The following MACROD2 variants were observed in gnomAD, a reference collection of about 807,000 sequenced individuals.
The protein encoded by MACROD2 is mono-ADP ribosylhydrolase 2.
In MACROD2, 36 loss-of-function variants were observed where a neutral mutation model predicts 70.4. The observed-to-expected ratio is 0.51, with a 90% CI of 0.39 to 0.68. MACROD2 has a LOEUF of 0.68. Ranked by LOEUF, MACROD2 falls within the 30% of genes least tolerant of loss-of-function variation. The pLI is 0.00. For synonymous variants in MACROD2, 172 were observed against 178.8 expected, an observed-to-expected ratio of 0.96 and a Z score of 0.30; for missense variants, 496 against 538.4, an observed-to-expected ratio of 0.92 and a Z score of 0.78.
chr20:15,091,022 C>G (rs1462639223), intron 5 of MACROD2, among the ~76,000 whole-genome samples: 1 of 151,836 alleles, frequency 6.6e-6, no homozygotes, highest in African/African-American at 2.4e-5. Flanking sequence ...CCCTCCCCAC[C>G]CACCTCCCCA....
chr20:15,256,712 CAA>C (rs2077202720), intron 6 of MACROD2, among the ~76,000 whole-genome samples: 1 of 151,918 alleles, frequency 6.6e-6, no homozygotes, highest in Admixed American at 6.6e-5. Context: ...ACTAATCAAA[CAA>C]AGTTTCTGAA....
At chr20:15,922,822 A>G (rs1333971196) in intron 10 of MACROD2, among the ~76,000 whole-genome samples, 2 of 152,234 alleles carry the variant, frequency 1.3e-5, no homozygotes, top group Non-Finnish European at 2.9e-5. Flanking sequence ...CTGTGTCTGC[A>G]GCACCTGGTG....
In MACROD2 at chr20:15,933,276, A is replaced by T. The variant is rs756094652; in HGVS notation, c.776A>T (p.Asp259Val). Residue 259 changes from aspartate (D) to valine (V), a missense_variant and splice_region_variant, in exon 11 of 18, where the codon GAT becomes GTT. Coordinates refer to ENST00000684519, the MANE Select transcript of MACROD2 (RefSeq NM_001351661.2). The part of the protein sequence containing the change: ...EEDVEMKEDS[D>V]ENGPEEKQSV... ...TTTTCCTCTGTGGTTTTCTTGAAAG[A>T]TGAGAACGGTCCAGAGGAGAAGCAA... 1.2e-6 allele frequency: 2 copies of T among 1,613,054 alleles called. No individual in the cohort carries two copies. The highest frequency in any genetic ancestry group is 1.7e-6 in the Non-Finnish European group (2 of 1,179,430).
chr20:14,747,794 T>C (rs2071818948), intron 5 of MACROD2, among the ~76,000 whole-genome samples: 2 of 151,484 alleles, frequency 1.3e-5, no homozygotes, highest in Admixed American at 6.6e-5. Context: ...GTTGTTATAA[T>C]GGGAAAAGTT....
chr20:15,143,404 G>T (rs551696131), intron 5 of MACROD2, among the ~76,000 whole-genome samples: 3 of 152,158 alleles, frequency 2.0e-5, no homozygotes, highest in Non-Finnish European at 4.4e-5. Context: ...TGTAGATTCT[G>T]GATATTAGCC....
chr20:14,155,159 C>CAT (rs1007582482), intron 3 of MACROD2, among the ~76,000 whole-genome samples: 1 of 151,980 alleles, frequency 6.6e-6, no homozygotes, highest in African/African-American at 2.4e-5. Flanking sequence ...TATATACACA[C>CAT]ATATATATAA....
At chr20:14,690,674 T>G (rs1261484511) in intron 5 of MACROD2, among the ~76,000 whole-genome samples, 1 of 152,224 alleles carries the variant, frequency 6.6e-6, no homozygotes, top group Non-Finnish European at 1.5e-5. Flanking sequence ...CAAGGATCCC[T>G]GAGCTGGGAA....
chr20:14,624,108 G>A (rs927672770), intron 4 of MACROD2, among the ~76,000 whole-genome samples: 2 of 152,204 alleles, frequency 1.3e-5, no homozygotes, highest in African/African-American at 2.4e-5. Context: ...TCTGCAGTAA[G>A]TGGCAAGTCT....
intron 5 of MACROD2, among the ~76,000 whole-genome samples, chr20:14,776,835 C>T (rs1481532255): frequency 6.6e-6 from 1 of 152,008 alleles, no homozygotes; most frequent in Non-Finnish European, 1.5e-5. Context: ...TCACTATCCT[C>T]CCGCAATGAA....
At chr20:15,807,989 G>A (rs569235332) in intron 8 of MACROD2, among the ~76,000 whole-genome samples, 2 of 152,216 alleles carry the variant, frequency 1.3e-5, no homozygotes, top group African/African-American at 4.8e-5. Flanking sequence ...GCATAAAAAA[G>A]CACTGTGAGG....
At chr20:15,293,885 A>G (rs1009005223) in intron 6 of MACROD2, among the ~76,000 whole-genome samples, 2 of 152,166 alleles carry the variant, frequency 1.3e-5, no homozygotes, top group Non-Finnish European at 2.9e-5. Context: ...TGGGAGGCCG[A>G]GGCAGATGGA....
At chr20:15,316,992 C>G (rs1335273210) in intron 6 of MACROD2, among the ~76,000 whole-genome samples, 2 of 151,904 alleles carry the variant, frequency 1.3e-5, no homozygotes. Context: ...TGGTAAATTG[C>G]AAAATTCCTA....
intron 4 of MACROD2, among the ~76,000 whole-genome samples, chr20:14,560,677 C>T (rs1391516689): frequency 6.6e-6 from 1 of 151,776 alleles, no homozygotes; most frequent in Non-Finnish European, 1.5e-5. Flanking sequence ...CTGCATCCTC[C>T]CATAGGTCTA....
At chr20:15,741,448 C>T (rs1600829192) in intron 8 of MACROD2, among the ~76,000 whole-genome samples, 1 of 152,010 alleles carries the variant, frequency 6.6e-6, no homozygotes, top group Non-Finnish European at 1.5e-5. Context: ...TCACCTCACA[C>T]GCTGGCCTCC....
intron 5 of MACROD2, among the ~76,000 whole-genome samples, chr20:14,989,260 G>C (rs74588551): frequency 0.035 from 5,342 of 152,082 alleles, 341 homozygotes; most frequent in African/African-American, 0.12. Context: ...AAATATCCTG[G>C]GTGAAGAAAA....
At chr20:14,254,785 A>G (rs1272883562) in intron 3 of MACROD2, among the ~76,000 whole-genome samples, 1 of 152,130 alleles carries the variant, frequency 6.6e-6, no homozygotes, top group African/African-American at 2.4e-5. Context: ...TCCTGTCATT[A>G]TGATGTTAGC....
At chr20:14,256,531 T>G (rs2082057864) in intron 3 of MACROD2, among the ~76,000 whole-genome samples, 1 of 152,164 alleles carries the variant, frequency 6.6e-6, no homozygotes, top group South Asian at 2.1e-4. Context: ...TTACTTTTGT[T>G]TCTGGCAAGT....
At chr20:15,879,550 T>C (rs1373768608) in intron 9 of MACROD2, among the ~76,000 whole-genome samples, 2 of 152,148 alleles carry the variant, frequency 1.3e-5, no homozygotes, top group Non-Finnish European at 2.9e-5. Flanking sequence ...CTTTATAATT[T>C]TCAGTAAATT....
chr20:15,502,248 A>T, intron 8 of MACROD2, among the ~76,000 whole-genome samples: 1 of 152,220 alleles, frequency 6.6e-6, no homozygotes, highest in South Asian at 2.1e-4. Flanking sequence ...TACAATGGGA[A>T]GGAGGAAGCC....
Sources: gnomAD v4.1 joint callset for allele counts (sites outside exome capture counted in the v4.1 genomes callset) on GRCh38, gnomAD v4.1.1 for gene constraint, MANE v1.5 for transcripts, NCBI Gene and HGNC (gene_info 2026-07-23, HGNC 2026-07-21) for gene names.